The following TTC27 variants were observed in gnomAD, a reference collection of about 807,000 sequenced individuals.
TTC27 encodes the protein tetratricopeptide repeat domain 27, also known as tetratricopeptide repeat protein 27.
TTC27 carries 79 observed loss-of-function variants against 115.9 expected under a neutral mutation model. The ratio of observed to expected loss-of-function variants is 0.68; its 90% CI spans 0.57 to 0.82. The LOEUF (loss-of-function observed/expected upper bound fraction) is 0.82. Ranked by LOEUF, TTC27 falls within the 40% of genes least tolerant of loss-of-function variation. The pLI, the probability that TTC27 is intolerant of heterozygous loss-of-function variation, is 0.00. For missense variants in TTC27, 1,054 were observed against 993.1 expected (o/e 1.06, Z -0.82); for synonymous variants, 401 against 356.0 (o/e 1.13, Z -1.42).
intron 16 of TTC27, among the ~76,000 whole-genome samples, chr2:32,787,551 T>A (rs1023541561): frequency 6.6e-6 from 1 of 152,336 alleles, no homozygotes; most frequent in Non-Finnish European, 1.5e-5. Flanking sequence ...TACCTTCAGA[T>A]GGTATGAACA....
At chr2:32,684,824 G>A (rs941486894) in intron 9 of TTC27, among the ~76,000 whole-genome samples, 1 of 151,480 alleles carries the variant, frequency 6.6e-6, no homozygotes, top group Non-Finnish European at 1.5e-5. Context: ...AACAAGCACA[G>A]TGAGACTTAA....
intron 13 of TTC27, among the ~76,000 whole-genome samples, chr2:32,768,436 C>T (rs532398311): frequency 6.6e-6 from 1 of 152,248 alleles, no homozygotes; most frequent in East Asian, 1.9e-4. Flanking sequence ...TTGTACATTA[C>T]ATTATGTGGT....
At chr2:32,754,867 CG>C (rs1312204496) in intron 12 of TTC27, among the ~76,000 whole-genome samples, 3 of 143,332 alleles carry the variant, frequency 2.1e-5, no homozygotes, top group Non-Finnish European at 4.6e-5. Flanking sequence ...GCTGGCCAGG[CG>C]GGGGGGCTGA....
chr2:32,678,298 C>A (rs1218296876), intron 8 of TTC27, among the ~76,000 whole-genome samples: 1 of 150,508 alleles, frequency 6.6e-6, no homozygotes, highest in African/African-American at 2.4e-5. Context: ...ACATTTAGTA[C>A]ACCAATCGCA....
intron 13 of TTC27, among the ~76,000 whole-genome samples, chr2:32,772,051 T>A (rs1302625834): frequency 3.9e-5 from 6 of 152,186 alleles, no homozygotes; most frequent in Non-Finnish European, 4.4e-5. Context: ...GAGTAGTAGG[T>A]TCATAAGTGG....
At chr2:32,761,530 C>T (rs1669436917) in intron 13 of TTC27, among the ~76,000 whole-genome samples, 1 of 152,228 alleles carries the variant, frequency 6.6e-6, no homozygotes, top group Middle Eastern at 3.4e-3. Context: ...ACTTCTTCCT[C>T]CTTCCTCCAA....
At chr2:32,765,604 G>A (rs1489651632) in intron 13 of TTC27, among the ~76,000 whole-genome samples, 1 of 152,104 alleles carries the variant, frequency 6.6e-6, no homozygotes, top group East Asian at 1.9e-4. Context: ...TTGAAGTCAG[G>A]CATTGACTTC....
intron 19 of TTC27, among the ~76,000 whole-genome samples, chr2:32,819,824 C>T (rs762035938): frequency 6.6e-6 from 1 of 152,206 alleles, no homozygotes; most frequent in South Asian, 2.1e-4. Context: ...TTGGGACTCT[C>T]AGCAAATTAT....
intron 10 of TTC27, among the ~76,000 whole-genome samples, chr2:32,723,111 T>G (rs1355083159): frequency 1.3e-5 from 2 of 152,182 alleles, no homozygotes; most frequent in Non-Finnish European, 2.9e-5. Flanking sequence ...AATGTATTAA[T>G]GGGATGAAGT....
At chr2:32,719,074 G>A (rs1474767298) in intron 10 of TTC27, among the ~76,000 whole-genome samples, 1 of 152,142 alleles carries the variant, frequency 6.6e-6, no homozygotes, top group Non-Finnish European at 1.5e-5. Context: ...ACAAACAGAG[G>A]ATAGAGACCC....
chr2:32,650,083 T>C, intron 4 of TTC27, 48 bp from the exon 5 acceptor site: 2 of 1,469,820 alleles, frequency 1.4e-6, no homozygotes, highest in Non-Finnish European at 1.9e-6. Flanking sequence ...GTAAAAAGAG[T>C]TTTCTAAAGT....
At chr2:32,779,587 T>C (rs1485342367) in intron 14 of TTC27, among the ~76,000 whole-genome samples, 3 of 150,256 alleles carry the variant, frequency 2.0e-5, no homozygotes, top group African/African-American at 4.9e-5. Context: ...TCTCCCATTC[T>C]GTTAAGTTTT....
chr2:32,768,751 ATGAC>A (rs1204602770), intron 13 of TTC27, among the ~76,000 whole-genome samples: 1 of 152,214 alleles, frequency 6.6e-6, no homozygotes, highest in African/African-American at 2.4e-5. Flanking sequence ...AAAACATAGA[ATGAC>A]TGAAGCCTCA....
intron 16 of TTC27, among the ~76,000 whole-genome samples, chr2:32,805,217 A>T (rs1361518753): frequency 1.3e-5 from 2 of 152,216 alleles, no homozygotes; most frequent in Non-Finnish European, 2.9e-5. Flanking sequence ...CACAATGCAC[A>T]TAAAAATAGC....
intron 10 of TTC27, among the ~76,000 whole-genome samples, chr2:32,704,192 T>C (rs1667286131): frequency 6.6e-6 from 1 of 152,140 alleles, no homozygotes; most frequent in South Asian, 2.1e-4. Context: ...GATTTTTTTT[T>C]TTACTTTTTT....
At chr2:32,653,302 G>A (rs533665142) in intron 5 of TTC27, among the ~76,000 whole-genome samples, 3 of 152,122 alleles carry the variant, frequency 2.0e-5, no homozygotes, top group East Asian at 3.9e-4. Flanking sequence ...TTGAAAGAGT[G>A]TTCAAAAAAA....
chr2:32,798,713 A>AAAAAAATAATAATAATAATAAT (rs1368512271), intron 16 of TTC27, among the ~76,000 whole-genome samples: 3 of 142,348 alleles, frequency 2.1e-5, no homozygotes, highest in Admixed American at 1.4e-4. Context: ...TCAAAAAAAA[A>AAAAAAATAATAATAATAATAAT]AATAATAATA....
chr2:32,687,999 T>A (rs1435765388), intron 9 of TTC27, among the ~76,000 whole-genome samples: 1 of 152,198 alleles, frequency 6.6e-6, no homozygotes, highest in Non-Finnish European at 1.5e-5. Flanking sequence ...TGTTTTCAAA[T>A]GCTTATGGTA....
intron 9 of TTC27, among the ~76,000 whole-genome samples, chr2:32,686,473 C>T (rs1666632233): frequency 6.6e-6 from 1 of 150,882 alleles, no homozygotes; most frequent in African/African-American, 2.4e-5. Flanking sequence ...ATTTGTCCTG[C>T]CTCAGCCTTC....
Sources: gnomAD v4.1 joint callset for allele counts (sites outside exome capture counted in the v4.1 genomes callset) on GRCh38, gnomAD v4.1.1 for gene constraint, MANE v1.5 for transcripts, NCBI Gene and HGNC (gene_info 2026-07-23, HGNC 2026-07-21) for gene names.